The following CADPS variants were observed in gnomAD, a reference collection of about 807,000 sequenced individuals.
CADPS encodes calcium dependent secretion activator.
CADPS carries 57 observed loss-of-function variants against 167.3 expected under a neutral mutation model. The ratio of observed to expected loss-of-function variants is 0.34; its 90% CI spans 0.28 to 0.42. The LOEUF is 0.42. Ranked by LOEUF, CADPS falls within the 20% of genes least tolerant of loss-of-function variation. The pLI, the probability that CADPS is intolerant of heterozygous loss-of-function variation, is 1.00. For missense variants in CADPS, 1,414 were observed against 1,738.1 expected (o/e 0.81, Z 3.32); for synonymous variants, 676 against 635.3 (o/e 1.06, Z -0.96).
At chr3:62,406,336 C>T (rs533152403) in intron 28 of CADPS, among the ~76,000 whole-genome samples, 8 of 152,264 alleles carry the variant, frequency 5.3e-5, no homozygotes, top group African/African-American at 1.2e-4. Context: ...CTCTTCCTCA[C>T]GGGGCTCACA....
chr3:62,856,310 T>C (rs2079673105), intron 1 of CADPS, among the ~76,000 whole-genome samples: 1 of 152,138 alleles, frequency 6.6e-6, no homozygotes, highest in South Asian at 2.1e-4. Flanking sequence ...CCATGTATGT[T>C]GAAAACTACA....
chr3:62,604,864 G>C (rs538520353), intron 6 of CADPS, among the ~76,000 whole-genome samples: 60 of 152,204 alleles, frequency 3.9e-4, no homozygotes, highest in Non-Finnish European at 6.9e-4. Flanking sequence ...CCGCATGGCA[G>C]ACATAAAAAG....
At chr3:62,707,251 T>C (rs1213301008) in intron 3 of CADPS, among the ~76,000 whole-genome samples, 1 of 152,042 alleles carries the variant, frequency 6.6e-6, no homozygotes, top group Non-Finnish European at 1.5e-5. Context: ...GGATCTCCAT[T>C]GTATGCTCCT....
chr3:62,733,189 G>C (rs558448828), intron 3 of CADPS, among the ~76,000 whole-genome samples: 4 of 152,136 alleles, frequency 2.6e-5, no homozygotes, highest in African/African-American at 9.7e-5. Flanking sequence ...TCACAGTTGG[G>C]GTCACCCATC....
rs368381685 is a variant in CADPS, at chr3:62,564,322, C to T, written c.1644+6550G>A. On this transcript the variant is annotated intron_variant, in intron 9 of 29. Transcript: ENST00000383710. ...GGCCTGTGTTAGGTTTCATATTTGG[C>T]TGCTTACAAGCCATTGACCTTGGGC... 7.2e-4 allele frequency among the ~76,000 whole-genome samples: 110 copies of T among 152,218 alleles called. 2 individuals are homozygous for T. Among genetic ancestry groups the T allele is most frequent in the African/African-American group, 2.5e-3 (105 of 41,550 alleles).
intron 2 of CADPS, among the ~76,000 whole-genome samples, chr3:62,756,445 A>G (rs939788482): frequency 4.6e-5 from 7 of 152,216 alleles, no homozygotes; most frequent in Non-Finnish European, 7.3e-5. Flanking sequence ...TGTAATGATT[A>G]TAAACTTTTC....
chr3:62,406,345 C>T (rs1019641732), intron 28 of CADPS, among the ~76,000 whole-genome samples: 1 of 152,186 alleles, frequency 6.6e-6, no homozygotes, highest in Non-Finnish European at 1.5e-5. Flanking sequence ...ACGGGGCTCA[C>T]AGTGCTTATT....
At chr3:62,680,187 A>C (rs2076933432) in intron 3 of CADPS, among the ~76,000 whole-genome samples, 1 of 143,432 alleles carries the variant, frequency 7.0e-6, no homozygotes, top group Non-Finnish European at 1.5e-5. Context: ...GACATAATGC[A>C]CAGTGGCTAA....
chr3:62,650,198 G>A (rs1381012792), intron 5 of CADPS, among the ~76,000 whole-genome samples: 1 of 151,972 alleles, frequency 6.6e-6, no homozygotes, highest in Non-Finnish European at 1.5e-5. Flanking sequence ...CCATCCCCTC[G>A]AGATCCTAGC....
chr3:62,618,162 G>A (rs556553194), intron 6 of CADPS, among the ~76,000 whole-genome samples: 17 of 152,264 alleles, frequency 1.1e-4, no homozygotes, highest in Non-Finnish European at 2.1e-4. Flanking sequence ...ACTGCAGAAT[G>A]CAAGCCATGA....
Position 62,474,153 on chromosome 3 carries a change from A to ATTTTTTTTTTTTTTTTTTTT in CADPS, c.3477+19_3477+20insAAAAAAAAAAAAAAAAAAAA, listed in dbSNP as rs61586697. 586 of 740,142 alleles carry ATTTTTTTTTTTTTTTTTTTT rather than the reference A, an allele frequency of 7.9e-4. 93 individuals are homozygous for ATTTTTTTTTTTTTTTTTTTT. Among genetic ancestry groups the ATTTTTTTTTTTTTTTTTTTT allele is most frequent in the South Asian group, 1.5e-3 (53 of 35,586 alleles). The allele number at this position is 740,142 out of a possible 1,614,324, so 45.8% of individuals were successfully genotyped here. A position where few individuals can be genotyped will look rare whatever the true frequency, so the allele number is the denominator to read the frequency against. On this transcript the variant is annotated intron_variant, in intron 24 of 29. Coordinates refer to ENST00000383710, the MANE Select transcript of CADPS (RefSeq NM_003716.4). Reference sequence around the variant, plus strand: ...AATGAAGAGGGAAAAAAAAATCTGTATTTTTTTTTTTTTTTTTACCTCTTG... The same window carrying ATTTTTTTTTTTTTTTTTTTT: ...AATGAAGAGGGAAAAAAAAATCTGTATTTTTTTTTTTTTTTTTTTTTTTTTTTTTTTTTTTTTACCTCTTG...
chr3:62,668,679 C>G (rs990592380), intron 3 of CADPS, among the ~76,000 whole-genome samples: 2 of 152,134 alleles, frequency 1.3e-5, no homozygotes, highest in African/African-American at 4.8e-5. Context: ...TGTTTGCCTA[C>G]TAGGCTGTAA....
chr3:62,733,226 G>A (rs1381582335), intron 3 of CADPS, among the ~76,000 whole-genome samples: 1 of 152,134 alleles, frequency 6.6e-6, no homozygotes, highest in Non-Finnish European at 1.5e-5. Context: ...TGCTGGTGTC[G>A]GAGAGAAAAT....
rs186837978 is a variant in CADPS at position 62,709,742 on chromosome 3, C to A, written c.888+43699G>T. Among the ~76,000 whole-genome samples the A allele has an allele frequency of 2.8e-4, 42 of 151,342 alleles. No homozygotes were observed. In the Admixed American group the frequency reaches 2.8e-3, roughly 10 times the overall value. ...AGGATGGACACTGAAGATGGAGGAC[C>A]ACTGGGTTTTATTTTTATTTTATTT... On this transcript the variant is annotated intron_variant, in intron 3 of 29. Transcript: ENST00000383710.
At chr3:62,464,387 C>T (rs2059710235) in intron 26 of CADPS, among the ~76,000 whole-genome samples, 2 of 152,138 alleles carry the variant, frequency 1.3e-5, no homozygotes, top group Non-Finnish European at 2.9e-5. Flanking sequence ...GTTTTAAAGA[C>T]CCACAGGCAG....
chr3:62,458,488 T>TTTTTTC lies in CADPS; in HGVS notation c.3636+6873_3636+6878dup, dbSNP rs1295906214. On this transcript the variant is annotated intron_variant, in intron 26 of 29. Transcript: ENST00000383710. This position sits in a 1 kb window ranked among gnomAD's most constrained non-coding sequence, Gnocchi z 4.6. ...CATGTACCTATTCATTAGGTATTTC[T>TTTTTTC]TTTTTCTTTTTCTTTTTTGAGACGG... is the stretch of plus-strand genomic sequence containing the variant. 3.3e-5 allele frequency among the ~76,000 whole-genome samples: 5 copies of TTTTTTC among 149,948 alleles called. No homozygotes were observed. Among genetic ancestry groups the TTTTTTC allele is most frequent in the African/African-American group, 1.2e-4 (5 of 41,348 alleles).
intron 27 of CADPS, among the ~76,000 whole-genome samples, chr3:62,443,557 G>A (rs1576132895): frequency 6.6e-6 from 1 of 152,246 alleles, no homozygotes; most frequent in South Asian, 2.1e-4. Context: ...GGAGGTAATT[G>A]AATCATGGGG....
intron 1 of CADPS, among the ~76,000 whole-genome samples, chr3:62,793,382 T>C (rs980017645): frequency 2.0e-5 from 3 of 152,206 alleles, no homozygotes; most frequent in Non-Finnish European, 2.9e-5. Context: ...TTGACCAAAT[T>C]TATCCATGAA....
intron 1 of CADPS, among the ~76,000 whole-genome samples, chr3:62,818,852 C>T (rs764255225): frequency 2.3e-4 from 35 of 152,218 alleles, no homozygotes; most frequent in Non-Finnish European, 2.1e-4. Flanking sequence ...GCAGTTAAAA[C>T]GGACAATCTA....
Sources: allele counts gnomAD v4.1 joint callset (sites outside exome capture counted in the v4.1 genomes callset), GRCh38; gene constraint gnomAD v4.1.1; non-coding constraint Gnocchi (gnomAD v3.1); transcripts MANE v1.5; gene names NCBI Gene and HGNC (gene_info 2026-07-23, HGNC 2026-07-21).